The following METTL24 variants were observed in gnomAD, a reference collection of about 807,000 sequenced individuals.
METTL24 encodes methyltransferase like 24, also known as probable methyltransferase-like protein 24.
Under a neutral mutation model 32.7 loss-of-function variants are expected in METTL24, and 29 were observed. That is an observed-to-expected ratio of 0.89 (90% CI 0.66 to 1.21). The LOEUF is 1.21. Among genes scored for constraint, METTL24 ranks in the 50% most tolerant of loss-of-function variants. METTL24 has a pLI of 0.00. For synonymous variants in METTL24, 163 were observed against 179.5 expected (o/e 0.91, Z 0.73); for missense variants, 439 against 468.1 (o/e 0.94, Z 0.57).
At chr6:110,260,413 GA>G (rs1182290441) in intron 4 of METTL24, among the ~76,000 whole-genome samples, 2 of 152,152 alleles carry the variant, frequency 1.3e-5, no homozygotes, top group African/African-American at 4.8e-5. Flanking sequence ...GAAGTTTAGA[GA>G]AAAAAGAATA....
Position 110,245,032 on chromosome 6 carries a change from C to T in METTL24, c.*914G>A, listed in dbSNP as rs1217637133. 6.6e-6 allele frequency among the ~76,000 whole-genome samples: 1 copy of T among 151,174 alleles called. No individual in the cohort carries two copies. The highest frequency in any genetic ancestry group is 1.5e-5 in the Non-Finnish European group (1 of 67,768). ...ATCTATTTATCTACCTACCTACCTA[C>T]AATGGTTAATTTTATGTGTCAACTT... is the stretch of plus-strand genomic sequence containing the variant. On this transcript the variant is annotated 3_prime_UTR_variant, in exon 5 of 5. Transcript: ENST00000338882.
rs573626446 is a variant in METTL24 at position 110,276,210 on chromosome 6, A to G, written c.786+22712T>C. 2.6e-5 allele frequency among the ~76,000 whole-genome samples: 4 copies of G among 152,326 alleles called. No individual in the cohort carries two copies. The South Asian group carries it at 6.2e-4, about 24-fold the overall frequency. ...CACTTTAAGAGGCCAAGGCCCAAGG[A>G]TTGCATAAGGCCAGGAGTTTGAGAC... On this transcript the variant is annotated intron_variant, in intron 4 of 4. Transcript: ENST00000338882.
Position 110,246,246 on chromosome 6 carries a change from C to T in METTL24, c.801G>A (p.Lys267=), listed in dbSNP as rs1355553962. The T allele has an allele frequency of 6.2e-7, 1 of 1,607,444 alleles. No homozygotes were observed. The highest frequency in any genetic ancestry group is 1.7e-5 in the Admixed American group (1 of 59,432). The change falls in exon 5 of 5, where the codon AAG becomes AAA. Residue 267 remains lysine, a synonymous_variant. Coordinates refer to ENST00000338882, the MANE Select transcript of METTL24 (RefSeq NM_001123364.3). ...TCCATTCTGCACTTTCCAGATCTGC[C>T]TTGAGAACGTCAATCTGTAACAAAG... is the stretch of plus-strand genomic sequence containing the variant. ...EFGHHKIDVL[K]ADLESAEWKV...
chr6:110,252,410 A>G (rs546736235), intron 4 of METTL24, among the ~76,000 whole-genome samples: 1 of 152,244 alleles, frequency 6.6e-6, no homozygotes, highest in Admixed American at 6.5e-5. Flanking sequence ...TTACAAGGAC[A>G]CTAGTCTTGT....
At chr6:110,262,182 G>A (rs1052254076) in intron 4 of METTL24, among the ~76,000 whole-genome samples, 2 of 152,084 alleles carry the variant, frequency 1.3e-5, no homozygotes, top group East Asian at 1.9e-4. Flanking sequence ...CCAGGAGCTG[G>A]TTTTTTGAAA....
intron 1 of METTL24, among the ~76,000 whole-genome samples, chr6:110,324,242 T>C (rs1358815724): frequency 6.6e-6 from 1 of 152,180 alleles, no homozygotes; most frequent in Non-Finnish European, 1.5e-5. Flanking sequence ...ACACACATCA[T>C]TGCAGAATCC....
At chr6:110,256,124 A>G (rs1778378037) in intron 4 of METTL24, among the ~76,000 whole-genome samples, 1 of 152,216 alleles carries the variant, frequency 6.6e-6, no homozygotes, top group Middle Eastern at 3.2e-3. Flanking sequence ...AGGGGGTGAG[A>G]AAACATTAAG....
intron 4 of METTL24, among the ~76,000 whole-genome samples, chr6:110,272,137 C>T (rs745978101): frequency 1.9e-4 from 29 of 152,132 alleles, no homozygotes; most frequent in Non-Finnish European, 3.5e-4. Context: ...ATTCCCCCGT[C>T]CACAAGTCCC....
At chr6:110,308,042 A>T (rs1771655481) in intron 3 of METTL24, among the ~76,000 whole-genome samples, 1 of 152,234 alleles carries the variant, frequency 6.6e-6, no homozygotes, top group African/African-American at 2.4e-5. Context: ...ATAATAGTGG[A>T]GCCATCTTGA....
intron 1 of METTL24, among the ~76,000 whole-genome samples, chr6:110,344,313 C>G (rs1010326096): frequency 1.3e-5 from 2 of 152,156 alleles, no homozygotes; most frequent in Non-Finnish European, 2.9e-5. Context: ...GCACGAGAGT[C>G]TCCTGGACAT....
intron 1 of METTL24, among the ~76,000 whole-genome samples, chr6:110,325,153 C>A (rs1369459313): frequency 6.6e-6 from 1 of 152,142 alleles, no homozygotes; most frequent in African/African-American, 2.4e-5. Context: ...GGGTTTAAAA[C>A]CTCCCACTTC....
At chr6:110,255,384 G>A (rs145269330) in intron 4 of METTL24, among the ~76,000 whole-genome samples, 1 of 152,150 alleles carries the variant, frequency 6.6e-6, no homozygotes, top group African/African-American at 2.4e-5. Flanking sequence ...AGAAACCCAA[G>A]TCAGGGACAG....
intron 1 of METTL24, among the ~76,000 whole-genome samples, chr6:110,352,957 G>T (rs1344237520): frequency 1.3e-5 from 2 of 152,168 alleles, no homozygotes; most frequent in African/African-American, 4.8e-5. Flanking sequence ...AAAATGGACT[G>T]GGACAAATTA....
chr6:110,252,627 A>G (rs1054469262), intron 4 of METTL24, among the ~76,000 whole-genome samples: 2 of 152,172 alleles, frequency 1.3e-5, no homozygotes, highest in African/African-American at 4.8e-5. Flanking sequence ...TCCTTTTACT[A>G]TTATGGCAGC....
intron 1 of METTL24, among the ~76,000 whole-genome samples, chr6:110,356,347 C>A (rs1276786608): frequency 6.6e-6 from 1 of 151,818 alleles, no homozygotes; most frequent in Non-Finnish European, 1.5e-5. Flanking sequence ...GTAGGCTGAG[C>A]CAGAAGAATC....
intron 1 of METTL24, among the ~76,000 whole-genome samples, chr6:110,327,403 A>G (rs1040810017): frequency 1.3e-5 from 2 of 152,218 alleles, no homozygotes; most frequent in African/African-American, 4.8e-5. Context: ...TTGCAACCTA[A>G]TATTTTTCAT....
At chr6:110,331,302 T>C (rs1393691076) in intron 1 of METTL24, among the ~76,000 whole-genome samples, 2 of 151,860 alleles carry the variant, frequency 1.3e-5, no homozygotes, top group Non-Finnish European at 2.9e-5. Flanking sequence ...TGGTCTAGCA[T>C]TCATGTCACT....
At position 110,245,048 on chromosome 6, in the gene METTL24, G is replaced by C. The variant is rs1488330156; in HGVS notation, c.*898C>G. On this transcript the variant is annotated 3_prime_UTR_variant, in exon 5 of 5. Transcript: ENST00000338882. ...ACCTACCTACAATGGTTAATTTTAT[G>C]TGTCAACTTAACTGGACTAAAGGGT... Among the ~76,000 whole-genome samples the C allele has an allele frequency of 1.3e-5, 2 of 151,738 alleles. No individual in the cohort carries two copies. Among genetic ancestry groups the C allele is most frequent in the Non-Finnish European group, 2.9e-5 (2 of 67,986 alleles).
At chr6:110,264,039 A>AT (rs1770806402) in intron 4 of METTL24, among the ~76,000 whole-genome samples, 3 of 152,136 alleles carry the variant, frequency 2.0e-5, no homozygotes, top group Middle Eastern at 3.2e-3. Flanking sequence ...CCTAGGCAAT[A>AT]CCATTCAGGA....
Sources: gnomAD v4.1 joint callset for allele counts (sites outside exome capture counted in the v4.1 genomes callset) on GRCh38, gnomAD v4.1.1 for gene constraint, MANE v1.5 for transcripts, NCBI Gene and HGNC (gene_info 2026-07-23, HGNC 2026-07-21) for gene names.